Variants in CNTN2 observed in about 807,000 individuals in gnomAD.
CNTN2 encodes contactin-2.
A neutral mutation model predicts 117.5 loss-of-function variants in CNTN2; 53 were observed. The observed-to-expected ratio is 0.45, with a 90% CI of 0.36 to 0.57. The LOEUF (loss-of-function observed/expected upper bound fraction) is 0.57. Among genes scored for constraint, CNTN2 ranks in the 20% least tolerant of loss-of-function variants. CNTN2 has a pLI of 0.00. For synonymous variants in CNTN2, 530 were observed against 561.7 expected, an observed-to-expected ratio of 0.94 and a Z score of 0.80; for missense variants, 1,106 against 1,404.3, an observed-to-expected ratio of 0.79 and a Z score of 3.39.
At position 205,058,139 on chromosome 1, in the gene CNTN2, AG is replaced by A; in HGVS notation, c.216-40del. 1 of 1,597,132 alleles carries A rather than the reference AG, an allele frequency of 6.3e-7. No homozygotes were observed. Among genetic ancestry groups the A allele is most frequent in the Non-Finnish European group, 8.5e-7 (1 of 1,171,184 alleles). ...TTTCCCTCTCATCAGCCCTGCCACC[AG>A]GCAGGACTCAGAGGTCCCCTTCCTC... On this transcript the variant is annotated intron_variant, in intron 3 of 22. Transcript: ENST00000331830. The surrounding 1 kb of genome is among the most constrained non-coding windows in gnomAD (Gnocchi z 4.3).
In CNTN2 at chr1:205,048,269, G is replaced by A. The variant is rs2096445185; in HGVS notation, c.-86-4831G>A. ...AGTAGGGAGAACTCTGGGGTGGAGG[G>A]TGTACCTTTTATTTTTTGACTGGCT... On this transcript the variant is annotated intron_variant, in intron 1 of 22. Transcript: ENST00000331830. The surrounding 1 kb of genome is among the most constrained non-coding windows in gnomAD (Gnocchi z 4.1). Among the ~76,000 whole-genome samples the A allele has an allele frequency of 6.6e-6, 1 of 152,162 alleles. No homozygotes were observed. Among genetic ancestry groups the A allele is most frequent in the African/African-American group, 2.4e-5 (1 of 41,426 alleles).
chr1:205,075,197 T>TG lies in CNTN2; in HGVS notation c.*1434dup, dbSNP rs1421546774. ...GAGGCACTGCTGAATGGCTATGGCC[T>TG]GGCTAAGAAGGTGATTAGTCAGTAG... On this transcript the variant is annotated 3_prime_UTR_variant, in exon 23 of 23. Transcript: ENST00000331830. 3.2e-6 allele frequency: 1 copy of TG among 311,730 alleles called. No homozygotes were observed. Among genetic ancestry groups the TG allele is most frequent in the African/African-American group, 2.1e-5 (1 of 46,788 alleles). The allele number at this position is 311,730 out of a possible 1,614,324, so 19.3% of individuals were successfully genotyped here.
rs1264690742 is a variant in CNTN2, at chr1:205,074,067, G to C, written c.*302G>C. ...AGGAACAGGCCCATGGGAAGAAGGG[G>C]GTTTTAAAAACATGTCTTCAACTCA... On this transcript the variant is annotated 3_prime_UTR_variant, in exon 23 of 23. Coordinates refer to ENST00000331830, the MANE Select transcript of CNTN2 (RefSeq NM_005076.5). 1.8e-6 allele frequency: 1 copy of C among 568,314 alleles called. No homozygotes were observed. The highest frequency in any genetic ancestry group is 3.1e-6 in the Non-Finnish European group (1 of 320,376). The allele number at this position is 568,314 out of a possible 1,614,324, so 35.2% of individuals were successfully genotyped here.
rs1220272197 is a variant in CNTN2 at position 205,075,460 on chromosome 1, C to T, written c.*1695C>T. 1.3e-5 allele frequency: 2 copies of T among 152,624 alleles called. No individual in the cohort carries two copies. Among genetic ancestry groups the T allele is most frequent in the African/African-American group, 2.4e-5 (1 of 41,440 alleles). 9.5% of individuals were successfully genotyped at this position (152,624 alleles called of 1,614,324 possible). A position where few individuals can be genotyped will look rare whatever the true frequency, so the allele number is the denominator to read the frequency against. Reference sequence around the variant, plus strand: ...CAAAGCCCATGCTCCGACAGGTGGCCCTTCACAGGGGGCAGCGGGACAGGC... The same window carrying T: ...CAAAGCCCATGCTCCGACAGGTGGCTCTTCACAGGGGGCAGCGGGACAGGC... On this transcript the variant is annotated 3_prime_UTR_variant, in exon 23 of 23. Coordinates refer to ENST00000331830, the MANE Select transcript of CNTN2 (RefSeq NM_005076.5).
chr1:205,067,953 A>AG (rs1654391000), intron 16 of CNTN2: 1 of 143,496 alleles, frequency 7.0e-6, no homozygotes, highest in Non-Finnish European at 1.5e-5. Flanking sequence ...AAAAAAAAAA[A>AG]AAGAAAGAAA....
intron 19 of CNTN2, 29 bp from the exon 20 acceptor site, chr1:205,071,918 T>G: frequency 6.3e-7 from 1 of 1,590,834 alleles, no homozygotes; most frequent in Non-Finnish European, 8.5e-7. Context: ...GCTTGACTAC[T>G]ACCCCTTGGG....
At chr1:205,070,398 T>A in intron 18 of CNTN2, 28 bp from the exon 19 acceptor site, 1 of 1,532,158 alleles carries the variant, frequency 6.5e-7, no homozygotes, top group Non-Finnish European at 9.0e-7. Flanking sequence ...GCCCTGGGAA[T>A]CCAAACCCAT....
rs1481983072 is a variant in CNTN2 at position 205,058,440 on chromosome 1, C to T, written c.391+84C>T. On this transcript the variant is annotated intron_variant, in intron 4 of 22. Transcript: ENST00000331830. The surrounding 1 kb of genome is among the most constrained non-coding windows in gnomAD (Gnocchi z 4.3). ...TTACTGAGAAAGGATAAGGGACACC[C>T]TCAAGCCGGGCCTTCCTGACCTCAC... The T allele has an allele frequency of 4.6e-6, 7 of 1,537,474 alleles. No homozygotes were observed. The highest frequency in any genetic ancestry group is 6.2e-6 in the Non-Finnish European group (7 of 1,131,676).
chr1:205,069,470 G>A, intron 16 of CNTN2, 21 bp from the exon 17 acceptor site: 1 of 1,613,002 alleles, frequency 6.2e-7, no homozygotes, highest in Non-Finnish European at 8.5e-7. Context: ...AGCCATATCG[G>A]TGTCCCTTGG....
intron 14 of CNTN2, chr1:205,066,142 C>A: frequency 1.6e-6 from 1 of 626,938 alleles, no homozygotes; most frequent in Non-Finnish European, 2.7e-6. Context: ...CATCCCAAGA[C>A]AGGAGTGCTT....
Position 205,070,088 on chromosome 1 carries a change from G to A in CNTN2, c.2431+27G>A, listed in dbSNP as rs1654512574. On this transcript the variant is annotated intron_variant, in intron 18 of 22. Coordinates refer to ENST00000331830, the MANE Select transcript of CNTN2 (RefSeq NM_005076.5). ...TGGGCTGCCCCTGGGCCCCCTGCTC[G>A]TCCCTACCCCAGCCACTTGTCCACA... is the stretch of plus-strand genomic sequence containing the variant. 3.1e-6 allele frequency: 5 copies of A among 1,603,516 alleles called. No homozygotes were observed. The South Asian group carries it at 3.3e-5, about 11-fold the overall frequency.
In CNTN2 at chr1:205,048,484, G is replaced by A. The variant is rs2151182246; in HGVS notation, c.-86-4616G>A. The stretch of plus-strand genomic sequence containing the variant: ...CTGGTGCCTTGCAGGACCAGCCCCT[G>A]CTGATGACAGCCTGTGCTTGCCTGT... On this transcript the variant is annotated intron_variant, in intron 1 of 22. Transcript: ENST00000331830. This position sits in a 1 kb window ranked among gnomAD's most constrained non-coding sequence, Gnocchi z 4.1. 6.6e-6 allele frequency among the ~76,000 whole-genome samples: 1 copy of A among 152,194 alleles called. No homozygotes were observed. Among genetic ancestry groups the A allele is most frequent in the Non-Finnish European group, 1.5e-5 (1 of 68,004 alleles).
chr1:205,070,990 C>T (rs936181453), intron 19 of CNTN2: 1 of 118,438 alleles, frequency 8.4e-6, no homozygotes, highest in African/African-American at 3.0e-5. Context: ...AGCGAGACTC[C>T]ATCTCAAAAA....
intron 1 of CNTN2, among the ~76,000 whole-genome samples, chr1:205,046,251 C>T (rs1326666030): frequency 3.3e-5 from 5 of 152,182 alleles, no homozygotes; most frequent in Non-Finnish European, 7.4e-5. Flanking sequence ...ATATTCTCAT[C>T]CAAAACCTGA....
Position 205,059,182 on chromosome 1 carries a change from C to T in CNTN2, c.586C>T (p.Arg196Ter), listed in dbSNP as rs537026414. 4 of 1,614,188 alleles carry T rather than the reference C, an allele frequency of 2.5e-6. No homozygotes were observed. Among genetic ancestry groups the T allele is most frequent in the African/African-American group, 1.3e-5 (1 of 75,046 alleles). Residue 196 changes from arginine to a stop codon, truncating the protein, a stop_gained, in exon 6 of 23, where the codon CGA becomes TGA. Coordinates refer to ENST00000331830, the MANE Select transcript of CNTN2 (RefSeq NM_005076.5). LOFTEE classifies it high-confidence loss of function. This position sits in a 1 kb window ranked among gnomAD's most constrained non-coding sequence, Gnocchi z 5.6. ...SQTTGNLYIA[R>*]TNASDLGNYS... ...GACCACAGGGAACCTGTACATTGCC[C>T]GAACCAATGCCTCAGACCTGGGCAA... is the stretch of plus-strand genomic sequence containing the variant.
At position 205,074,683 on chromosome 1, in the gene CNTN2, T is replaced by C. The variant is rs547472737; in HGVS notation, c.*918T>C. 1.5e-5 allele frequency: 6 copies of C among 399,124 alleles called. No homozygotes were observed. The highest frequency in any genetic ancestry group is 1.2e-4 in the African/African-American group (6 of 48,690). The allele number at this position is 399,124 out of a possible 1,614,324, so 24.7% of individuals were successfully genotyped here. On this transcript the variant is annotated 3_prime_UTR_variant, in exon 23 of 23. Coordinates refer to ENST00000331830, the MANE Select transcript of CNTN2 (RefSeq NM_005076.5). ...AGATGGCCAATCATGCGCCCACCTC[T>C]CCAGTGCTGCCTGCAGTCAGCTCGG...
Position 205,050,278 on chromosome 1 carries a change from AGTGTGTGTGTGTGT to A in CNTN2, c.-86-2796_-86-2783del, listed in dbSNP as rs3073631. Among the ~76,000 whole-genome samples, 7 of 145,494 alleles carry A rather than the reference AGTGTGTGTGTGTGT, an allele frequency of 4.8e-5. No homozygotes were observed. In the East Asian group the frequency reaches 6.4e-4, roughly 13 times the overall value. ...ATACGCTGCTGACCCTAGAGCTCTG[AGTGTGTGTGTGTGT>A]GTGTGTGTGTGTGTGTGTGTGTGTG... On this transcript the variant is annotated intron_variant, in intron 1 of 22. Coordinates refer to ENST00000331830, the MANE Select transcript of CNTN2 (RefSeq NM_005076.5).
chr1:205,058,704 A>G lies in CNTN2; in HGVS notation c.487+41A>G. 1 of 1,498,860 alleles carries G rather than the reference A, an allele frequency of 6.7e-7. No homozygotes were observed. Among genetic ancestry groups the G allele is most frequent in the South Asian group, 1.2e-5 (1 of 86,016 alleles). 92.8% of individuals were successfully genotyped at this position (1,498,860 alleles called of 1,614,324 possible). On this transcript the variant is annotated intron_variant, in intron 5 of 22. Transcript: ENST00000331830. The surrounding 1 kb of genome is among the most constrained non-coding windows in gnomAD (Gnocchi z 4.3). ...GGGCCAGGGTTAGAGAGGGCACAGG[A>G]AGGGCTTCCAGATGCTTGGCAGAGG...
At chr1:205,064,509 C>T in intron 11 of CNTN2, 37 bp downstream of exon 11, 1 of 1,593,520 alleles carries the variant, frequency 6.3e-7, no homozygotes, top group South Asian at 1.1e-5. Context: ...GTTCCTGCTC[C>T]TCCTCATTCT....
Sources: allele counts gnomAD v4.1 joint callset (sites outside exome capture counted in the v4.1 genomes callset), GRCh38; gene constraint gnomAD v4.1.1; non-coding constraint Gnocchi (gnomAD v3.1); transcripts MANE v1.5; gene names NCBI Gene and HGNC (gene_info 2026-07-23, HGNC 2026-07-21).